CDR2: variants seen among roughly 807,000 people sequenced by gnomAD.
CDR2 encodes the protein cerebellar degeneration-related protein 2.
CDR2 carries 34 observed loss-of-function variants against 48.4 expected under a neutral mutation model. That is an observed-to-expected ratio of 0.70 (90% CI 0.53 to 0.94). The LOEUF is 0.94. CDR2 is among the 40% of genes least tolerant of loss of function. The pLI, the probability that CDR2 is intolerant of heterozygous loss-of-function variation, is 0.00. For missense variants in CDR2, 498 were observed against 549.5 expected (o/e 0.91, Z 0.94); for synonymous variants, 240 against 219.7 (o/e 1.09, Z -0.82).
At position 22,347,808 on chromosome 16, in the gene CDR2, A is replaced by C; in HGVS notation, c.522T>G (p.Asp174Glu). 6.2e-7 allele frequency: 1 copy of C among 1,612,566 alleles called. No homozygotes were observed. The highest frequency in any genetic ancestry group is 8.5e-7 in the Non-Finnish European group (1 of 1,179,460). Residue 174 changes from aspartate (D) to glutamate (E), a missense_variant, in exon 5 of 5, where the codon GAT (aspartate) becomes GAG (glutamate). Transcript: ENST00000268383. ...LYDLRQHFVY[D>E]HVFAEKITSL... ...AAGTGATCTTCTCAGCGAACACATG[A>C]TCATACACGAAGTGTCTAGGGAAAA...
intron 2 of CDR2, among the ~76,000 whole-genome samples, chr16:22,352,687 A>G (rs1035862272): frequency 6.6e-6 from 1 of 150,596 alleles, no homozygotes; most frequent in Non-Finnish European, 1.5e-5. Context: ...ATTTAAGGGG[A>G]AAAAAAAAAT....
chr16:22,358,244 G>A (rs1375492924), intron 2 of CDR2, among the ~76,000 whole-genome samples: 3 of 152,068 alleles, frequency 2.0e-5, no homozygotes, highest in African/African-American at 7.2e-5. Context: ...TTGATACACA[G>A]CCTCCAATGA....
intron 1 of CDR2, among the ~76,000 whole-genome samples, chr16:22,368,344 G>A (rs2049055925): frequency 6.6e-6 from 1 of 152,000 alleles, no homozygotes; most frequent in East Asian, 1.9e-4. Context: ...TGAGTAGCTG[G>A]GATTACAGGC....
In CDR2 at chr16:22,349,796, C is replaced by T. The variant is rs768522957; in HGVS notation, c.246G>A (p.Lys82=). ...LLRQMNEQHA[K]VYEQLDVTAR... ...CTGTGACGTCTAATTGTTCATAAACCTTTGCATGTTGTTCGTTCATCTGCC... is the reference window on the plus strand; with the variant it reads ...CTGTGACGTCTAATTGTTCATAAACTTTTGCATGTTGTTCGTTCATCTGCC... Residue 82 remains lysine, a synonymous_variant, in exon 3 of 5, where the codon AAG becomes AAA. Transcript: ENST00000268383. The T allele has an allele frequency of 1.9e-6, 3 of 1,614,074 alleles. No homozygotes were observed. The highest frequency in any genetic ancestry group is 1.7e-5 in the Admixed American group (1 of 60,012).
chr16:22,351,059 G>A (rs762848457), intron 2 of CDR2, among the ~76,000 whole-genome samples: 8 of 152,102 alleles, frequency 5.3e-5, no homozygotes, highest in Non-Finnish European at 1.0e-4. Context: ...TCCCCACCCT[G>A]TGCCCAAATG....
chr16:22,360,085 T>C (rs2049001237), intron 2 of CDR2, among the ~76,000 whole-genome samples: 1 of 152,160 alleles, frequency 6.6e-6, no homozygotes, highest in South Asian at 2.1e-4. Context: ...ACAACTCCTG[T>C]AGGGGATAAT....
intron 2 of CDR2, among the ~76,000 whole-genome samples, chr16:22,352,591 T>G (rs1048645974): frequency 6.6e-6 from 1 of 152,158 alleles, no homozygotes; most frequent in African/African-American, 2.4e-5. Context: ...GCATTAATAT[T>G]TCTGCATCAA....
chr16:22,349,242 G>C (rs753844461), intron 4 of CDR2, 37 bp downstream of exon 4: 1 of 1,608,680 alleles, frequency 6.2e-7, no homozygotes, highest in Non-Finnish European at 8.5e-7. Flanking sequence ...ACATGAGACA[G>C]TCCCTGCTGT....
chr16:22,360,431 C>T (rs1263250783), intron 2 of CDR2, among the ~76,000 whole-genome samples: 1 of 152,000 alleles, frequency 6.6e-6, no homozygotes, highest in East Asian at 1.9e-4. Context: ...TGATGCCTAC[C>T]AAAAATACTG....
intron 2 of CDR2, among the ~76,000 whole-genome samples, chr16:22,356,023 G>T (rs1347483871): frequency 6.6e-6 from 1 of 152,024 alleles, no homozygotes; most frequent in Admixed American, 6.5e-5. Context: ...TTTTCATATT[G>T]CACTATAGTT....
At position 22,349,686 on chromosome 16, in the gene CDR2, T is replaced by G. The variant is rs894091563; in HGVS notation, c.341+15A>C. ...TTCCCCCTAGTCCTTCCTTGTCAGATTCTAGAAAATTTACCTCAGAATCTT... is the reference window on the plus strand; with the variant it reads ...TTCCCCCTAGTCCTTCCTTGTCAGAGTCTAGAAAATTTACCTCAGAATCTT... On this transcript the variant is annotated intron_variant, in intron 3 of 4. Transcript: ENST00000268383. 6.2e-7 allele frequency: 1 copy of G among 1,613,428 alleles called. No homozygotes were observed.
chr16:22,347,099 C>CT lies in CDR2; in HGVS notation c.1230dup (p.Glu411ArgfsTer17), dbSNP rs781278152. ...GGTGTTGTAGGGGAACTCACGGGCT[C>CT]TGGGTTGACAGAGGCCAGTTCCCAG... On this transcript the variant is annotated frameshift_variant, in exon 5 of 5. Coordinates refer to ENST00000268383, the MANE Select transcript of CDR2 (RefSeq NM_001802.2). LOFTEE classifies it high-confidence loss of function. 1 of 1,614,208 alleles carries CT rather than the reference C, an allele frequency of 6.2e-7. No homozygotes were observed. The highest frequency in any genetic ancestry group is 8.5e-7 in the Non-Finnish European group (1 of 1,180,026).
intron 2 of CDR2, among the ~76,000 whole-genome samples, chr16:22,362,606 T>TA (rs2049017479): frequency 6.6e-6 from 1 of 152,222 alleles, no homozygotes; most frequent in African/African-American, 2.4e-5. Flanking sequence ...ACTACGATAA[T>TA]ACAATTAAGA....
intron 1 of CDR2, among the ~76,000 whole-genome samples, chr16:22,373,379 T>C (rs895871409): frequency 6.6e-6 from 1 of 152,218 alleles, no homozygotes; most frequent in Non-Finnish European, 1.5e-5. Context: ...TGGTGAACTA[T>C]GCCTAACAGC....
intron 2 of CDR2, among the ~76,000 whole-genome samples, chr16:22,352,431 C>T (rs1399471941): frequency 6.6e-6 from 1 of 151,654 alleles, no homozygotes; most frequent in African/African-American, 2.4e-5. Context: ...AAACACTTAA[C>T]CTAACTTCAA....
At chr16:22,368,233 G>C (rs1487315107) in intron 1 of CDR2, among the ~76,000 whole-genome samples, 4 of 152,062 alleles carry the variant, frequency 2.6e-5, no homozygotes, top group Admixed American at 2.6e-4. Context: ...TTGAGATGGA[G>C]TCTCTCACTC....
At chr16:22,367,242 G>A (rs1016648978) in intron 1 of CDR2, 7 of 152,222 alleles carry the variant, frequency 4.6e-5, no homozygotes, top group African/African-American at 1.2e-4. Flanking sequence ...TGCCCAGGAT[G>A]ATCTCAAACT....
chr16:22,368,461 C>T (rs2049056673), intron 1 of CDR2, among the ~76,000 whole-genome samples: 1 of 152,204 alleles, frequency 6.6e-6, no homozygotes, highest in African/African-American at 2.4e-5. Flanking sequence ...CCGCCCACCG[C>T]GGCCTCCCCA....
intron 4 of CDR2, among the ~76,000 whole-genome samples, chr16:22,348,086 C>T (rs752163511): frequency 5.9e-5 from 9 of 152,060 alleles, no homozygotes; most frequent in African/African-American, 1.4e-4. Context: ...TTTAGACATG[C>T]GCCACCACGC....
Sources: allele counts gnomAD v4.1 joint callset (sites outside exome capture counted in the v4.1 genomes callset), GRCh38; gene constraint gnomAD v4.1.1; transcripts MANE v1.5; gene names NCBI Gene and HGNC (gene_info 2026-07-23, HGNC 2026-07-21).